Variants in ZMYND8 observed in about 807,000 individuals in gnomAD.
ZMYND8 encodes zinc finger MYND-type containing 8.
ZMYND8 carries 37 observed loss-of-function variants against 140.8 expected under a neutral mutation model. That is an observed-to-expected ratio of 0.26 (90% CI 0.20 to 0.35). The LOEUF (loss-of-function observed/expected upper bound fraction) is 0.35. Among genes scored for constraint, ZMYND8 ranks in the 10% least tolerant of loss-of-function variants. The probability of loss-of-function intolerance (pLI) is 1.00; values close to 1 mark genes in which losing one functional copy is unlikely to be tolerated. For synonymous variants in ZMYND8, 592 were observed against 597.1 expected (o/e 0.99, Z 0.12); for missense variants, 1,068 against 1,570.0 (o/e 0.68, Z 5.40).
At chr20:47,333,953 GAATGAATA>G (rs2081183994) in intron 2 of ZMYND8, among the ~76,000 whole-genome samples, 1 of 151,362 alleles carries the variant, frequency 6.6e-6, no homozygotes, top group African/African-American at 2.4e-5. Flanking sequence ...AAGGAGGGAG[GAATGAATA>G]AATGAATAAA....
chr20:47,241,513 A>G (rs544952717), intron 14 of ZMYND8, among the ~76,000 whole-genome samples: 2 of 152,190 alleles, frequency 1.3e-5, no homozygotes, highest in Admixed American at 1.3e-4. Context: ...ATCAGCCAAG[A>G]TATGTCTAGG....
At chr20:47,260,904 A>G (rs2075106141) in intron 12 of ZMYND8, among the ~76,000 whole-genome samples, 1 of 152,246 alleles carries the variant, frequency 6.6e-6, no homozygotes, top group Non-Finnish European at 1.5e-5. Flanking sequence ...ATCAATGGTG[A>G]GGATGCAATG....
chr20:47,335,055 G>C (rs2081286450), intron 2 of ZMYND8, among the ~76,000 whole-genome samples: 2 of 151,976 alleles, frequency 1.3e-5, no homozygotes, highest in South Asian at 4.2e-4. Context: ...AGACCAGCCT[G>C]GGCAACATAG....
chr20:47,292,242 C>A (rs913123509), intron 5 of ZMYND8, among the ~76,000 whole-genome samples: 1 of 152,156 alleles, frequency 6.6e-6, no homozygotes, highest in East Asian at 1.9e-4. Context: ...TGACGTTCAA[C>A]GATTTACTTG....
chr20:47,240,447 G>A (rs899160945), intron 14 of ZMYND8, among the ~76,000 whole-genome samples: 16 of 151,896 alleles, frequency 1.1e-4, no homozygotes, highest in Admixed American at 3.3e-4. Flanking sequence ...CCGGGACGTG[G>A]AGGTTGCAGG....
intron 2 of ZMYND8, among the ~76,000 whole-genome samples, chr20:47,322,939 T>C (rs373921784): frequency 1.1e-4 from 17 of 152,086 alleles, no homozygotes; most frequent in African/African-American, 3.6e-4. Flanking sequence ...AACACAGCAT[T>C]GTCGTTCAGT....
At chr20:47,225,412 T>C (rs531991678) in intron 18 of ZMYND8, among the ~76,000 whole-genome samples, 132 of 150,520 alleles carry the variant, frequency 8.8e-4, no homozygotes, top group African/African-American at 3.2e-3. Flanking sequence ...AATACAAAAA[T>C]TAGCTAGGCG....
intron 2 of ZMYND8, among the ~76,000 whole-genome samples, chr20:47,339,756 G>T (rs552979127): frequency 6.0e-4 from 91 of 152,192 alleles, no homozygotes; most frequent in Non-Finnish European, 1.1e-3. Context: ...GATCACAGGC[G>T]TGAGTGAGGC....
intron 16 of ZMYND8, among the ~76,000 whole-genome samples, chr20:47,232,110 C>T (rs771864873): frequency 6.6e-5 from 10 of 152,154 alleles, no homozygotes; most frequent in Non-Finnish European, 1.0e-4. Context: ...GTGGCTCACG[C>T]CTATAATCCC....
Position 47,210,907 on chromosome 20 carries a change from A to G in ZMYND8, c.3569-10T>C, listed in dbSNP as rs758841545. The G allele has an allele frequency of 2.5e-6, 4 of 1,612,734 alleles. No individual in the cohort carries two copies. Among genetic ancestry groups the G allele is most frequent in the Admixed American group, 1.7e-5 (1 of 59,992 alleles). ...TTACTCCGGGAATGGTCTGAGGGGGAAAACCAATGTGTTTAGCGTGCCTGC... is the reference window on the plus strand; with the variant it reads ...TTACTCCGGGAATGGTCTGAGGGGGGAAACCAATGTGTTTAGCGTGCCTGC... On this transcript the variant is annotated splice_polypyrimidine_tract_variant and intron_variant, in intron 22 of 22. Coordinates refer to ENST00000471951, the MANE Select transcript of ZMYND8 (RefSeq NM_001281775.3).
At chr20:47,346,809 T>C (rs1304931363) in intron 2 of ZMYND8, among the ~76,000 whole-genome samples, 2 of 152,196 alleles carry the variant, frequency 1.3e-5, no homozygotes, top group African/African-American at 4.8e-5. Context: ...GGTTTCACCA[T>C]GTTGGCCAGG....
chr20:47,212,652 G>T lies in ZMYND8; in HGVS notation c.3558C>A (p.Pro1186=), dbSNP rs746266035. Residue 1186 remains proline (P), a synonymous_variant, in exon 22 of 23, where the codon CCC becomes CCA. Coordinates refer to ENST00000471951, the MANE Select transcript of ZMYND8 (RefSeq NM_001281775.3). ...CAGGTTCATACTTACACTTCTGGGC[G>T]GGGTAGTTGGGGTGCGGCTGGTGGT... The part of the protein sequence containing the change: ...TTDHQPHPNY[P]AQKYHSRSNK... 6.2e-7 allele frequency: 1 copy of T among 1,613,804 alleles called. No individual in the cohort carries two copies. The highest frequency in any genetic ancestry group is 8.5e-7 in the Non-Finnish European group (1 of 1,179,868).
intron 11 of ZMYND8, among the ~76,000 whole-genome samples, chr20:47,271,066 G>A (rs1477234837): frequency 1.3e-5 from 2 of 151,874 alleles, no homozygotes; most frequent in Non-Finnish European, 2.9e-5. Flanking sequence ...GACAGAGTGA[G>A]ACTCCGTCTA....
chr20:47,211,695 A>C (rs750228992), intron 22 of ZMYND8, among the ~76,000 whole-genome samples: 1 of 152,188 alleles, frequency 6.6e-6, no homozygotes, highest in African/African-American at 2.4e-5. Flanking sequence ...AGATCCCATC[A>C]CATCCTGGAT....
intron 2 of ZMYND8, chr20:47,318,638 C>T (rs1300160054): frequency 9.3e-6 from 4 of 431,132 alleles, no homozygotes; most frequent in African/African-American, 6.2e-5. Context: ...TTTCCTCCAA[C>T]GCTGACCGTC....
In ZMYND8 at chr20:47,239,036, G is replaced by T; in HGVS notation, c.2387C>A (p.Thr796Lys). ...CGTGGAGGACGTGCTGGTGGTGGCT[G>T]TGGCGCCAGCCGCGGAAGTTTGGGC... ...SSAQTSAAGATATTSTSSTVT... is the reference protein window; with the variant it reads ...SSAQTSAAGAKATTSTSSTVT... The change falls in exon 15 of 23, where the codon ACA becomes AAA. Residue 796 changes from threonine to lysine, a missense_variant. This residue lies in a region of ZMYND8 where 383 missense variants were observed against 431.2 expected (regional missense o/e 0.89). Coordinates refer to ENST00000471951, the MANE Select transcript of ZMYND8 (RefSeq NM_001281775.3). The T allele has an allele frequency of 6.3e-7, 1 of 1,586,228 alleles. No individual in the cohort carries two copies. The highest frequency in any genetic ancestry group is 8.6e-7 in the Non-Finnish European group (1 of 1,163,312).
intron 7 of ZMYND8, among the ~76,000 whole-genome samples, chr20:47,288,392 C>CAT (rs757618556): frequency 1.3e-4 from 16 of 123,288 alleles, no homozygotes; most frequent in African/African-American, 5.0e-4. Context: ...TACACCAATT[C>CAT]TTTTTTTTTT....
rs368607939 is a variant in ZMYND8, at chr20:47,310,121, T to C, written c.169A>G (p.Thr57Ala). Reference sequence around the variant, plus strand: ...TTCTTTTTAATGGGGCTTGTTGATGTGTCCTGCGGCGAGTGGCCATTGGAA... The same window carrying C: ...TTCTTTTTAATGGGGCTTGTTGATGCGTCCTGCGGCGAGTGGCCATTGGAA... ...HSSNGHSPQD[T>A]STSPIKKKKK... Residue 57 changes from threonine to alanine, a missense_variant, in exon 3 of 23, where the codon ACA becomes GCA. Transcript: ENST00000471951. The C allele has an allele frequency of 1.2e-6, 2 of 1,614,006 alleles. No homozygotes were observed. The highest frequency in any genetic ancestry group is 1.7e-6 in the Non-Finnish European group (2 of 1,180,018).
chr20:47,324,743 T>C (rs1027230210), intron 2 of ZMYND8, among the ~76,000 whole-genome samples: 14 of 152,244 alleles, frequency 9.2e-5, no homozygotes, highest in Admixed American at 7.2e-4. Flanking sequence ...TCATCTATAA[T>C]GTTCTGTGCC....
Sources: gnomAD v4.1 joint callset for allele counts (sites outside exome capture counted in the v4.1 genomes callset) on GRCh38, gnomAD v4.1.1 for gene constraint, gnomAD v4.1.1 regional missense constraint, MANE v1.5 for transcripts, NCBI Gene and HGNC (gene_info 2026-07-23, HGNC 2026-07-21) for gene names.